Variants in HOXA3 observed in about 807,000 individuals in gnomAD.
HOXA3 encodes the protein homeobox protein Hox-A3.
HOXA3 carries 8 observed loss-of-function variants against 30.3 expected under a neutral mutation model. That is an observed-to-expected ratio of 0.26 (90% CI 0.15 to 0.48). The LOEUF (loss-of-function observed/expected upper bound fraction) is 0.48. Ranked by LOEUF, HOXA3 falls within the 20% of genes least tolerant of loss-of-function variation. The pLI is 0.99. For synonymous variants in HOXA3, 323 were observed against 273.1 expected (o/e 1.18, Z -1.80); for missense variants, 653 against 614.4 (o/e 1.06, Z -0.66).
intron 2 of HOXA3, chr7:27,129,656 G>T: frequency 6.9e-7 from 1 of 1,455,794 alleles, no homozygotes; most frequent in Non-Finnish European, 9.5e-7. Context: ...AGGTGGGGTG[G>T]GGAAGAGCAA....
In HOXA3 at chr7:27,120,045, T is replaced by C. The variant is rs186448944; in HGVS notation, c.-121+2514A>G. 1.8e-3 allele frequency among the ~76,000 whole-genome samples: 279 copies of C among 152,132 alleles called. 7 individuals carry two copies. Among genetic ancestry groups the C allele is most frequent in the Admixed American group, 0.017 (266 of 15,296 alleles). On this transcript the variant is annotated intron_variant, in intron 4 of 5. Transcript: ENST00000612286. ...AAGCGTTCTCCTGACCCCCAAGAAC[T>C]CACTCCTCTCATTCTTACTGCTGCC...
chr7:27,108,123 A>G lies in HOXA3; in HGVS notation c.1124T>C (p.Met375Thr), dbSNP rs111910536. ...AAAGAGGGCTGGCCCGGAGTTGCTC[A>G]TGGGCTCCACATAGCTGCCCCCCAC... ...VFVGGSYVEP[M>T]SNSGPALFGL... Residue 375 changes from methionine to threonine, a missense_variant, in exon 6 of 6, where the codon ATG becomes ACG. Met to Thr is a moderately conservative substitution (Grantham distance 81). This residue lies in a region of HOXA3 where 330 missense variants were observed against 274.4 expected (regional missense o/e 1.20). Coordinates refer to ENST00000612286, the MANE Select transcript of HOXA3 (RefSeq NM_153631.3). The surrounding 1 kb of genome is among the most constrained non-coding windows in gnomAD (Gnocchi z 5.0). The G allele has an allele frequency of 2.8e-4, 457 of 1,606,508 alleles. 1 individual carries two copies. The African/African-American group carries it at 5.6e-3, about 20-fold the overall frequency.
intron 1 of HOXA3, chr7:27,145,272 C>G (rs779440672): frequency 4.4e-6 from 1 of 226,182 alleles, no homozygotes; most frequent in East Asian, 9.9e-5. Context: ...AGGGCTCTTT[C>G]CTCCCCAGCA....
chr7:27,110,753 G>A lies in HOXA3; in HGVS notation c.-113C>T, dbSNP rs1784325129. ...ACACTCCGCCGCCAATGGCCGCCCC[G>A]CGCAGACCTGGTGGGGCGAGAAGCG... On this transcript the variant is annotated 5_prime_UTR_variant, in exon 5 of 6. Coordinates refer to ENST00000612286, the MANE Select transcript of HOXA3 (RefSeq NM_153631.3). 1 of 1,514,698 alleles carries A rather than the reference G, an allele frequency of 6.6e-7. No homozygotes were observed. Among genetic ancestry groups the A allele is most frequent in the Non-Finnish European group, 9.0e-7 (1 of 1,111,930 alleles). The allele number at this position is 1,514,698 out of a possible 1,614,324, so 93.8% of individuals were successfully genotyped here.
intron 1 of HOXA3, chr7:27,143,481 C>G (rs761441746): frequency 1.2e-6 from 2 of 1,613,722 alleles, no homozygotes; most frequent in East Asian, 2.2e-5. Flanking sequence ...CCGTACCTGC[C>G]GGAGTGCATG....
chr7:27,134,769 G>A (rs748850151), intron 2 of HOXA3, among the ~76,000 whole-genome samples: 1 of 152,152 alleles, frequency 6.6e-6, no homozygotes, highest in Non-Finnish European at 1.5e-5. Flanking sequence ...GCAGTGTTTG[G>A]AAAATATTTA....
Position 27,107,731 on chromosome 7 carries a change from CAT to C in HOXA3, c.*182_*183del. ...TCCAGCAACCAAGATTGCTACGTCA[CAT>C]AAACTATAAAAACGCCTTACCAACG... On this transcript the variant is annotated 3_prime_UTR_variant, in exon 6 of 6. Transcript: ENST00000612286. The C allele has an allele frequency of 2.1e-6, 1 of 478,358 alleles. No individual in the cohort carries two copies. Among genetic ancestry groups the C allele is most frequent in the Non-Finnish European group, 3.6e-6 (1 of 276,422 alleles). The allele number at this position is 478,358 out of a possible 1,614,324, so 29.6% of individuals were successfully genotyped here.
chr7:27,147,393 C>A (rs1782807566), intron 1 of HOXA3: 1 of 1,614,110 alleles, frequency 6.2e-7, no homozygotes, highest in Admixed American at 1.7e-5. Context: ...GTGCTTTGCC[C>A]TGCCCGCTGC....
chr7:27,142,227 T>C, intron 1 of HOXA3: 1 of 815,492 alleles, frequency 1.2e-6, no homozygotes, highest in Non-Finnish European at 1.9e-6. Flanking sequence ...CCTCCCGAAT[T>C]TCCTTCTCTC....
intron 1 of HOXA3, chr7:27,150,716 G>C (rs1425121915): frequency 6.6e-6 from 1 of 152,582 alleles, no homozygotes; most frequent in Non-Finnish European, 1.5e-5. Context: ...TGACGTGCCA[G>C]GCGGCCTGTG....
At chr7:27,142,952 C>T (rs1385520566) in intron 1 of HOXA3, 14 of 1,201,394 alleles carry the variant, frequency 1.2e-5, no homozygotes, top group Non-Finnish European at 1.6e-5. Flanking sequence ...AGAAATGAGA[C>T]CAAGAGAGAC....
In HOXA3 at chr7:27,110,604, A is replaced by T; in HGVS notation, c.37T>A (p.Tyr13Asn). Reference sequence around the variant, plus strand: ...GCTGCCTGGTAGGGGTAGCCACCGTAGATCGCCGAGCTGTCGTAGTAGGTC... The same window carrying T: ...GCTGCCTGGTAGGGGTAGCCACCGTTGATCGCCGAGCTGTCGTAGTAGGTC... ...KATYYDSSAI[Y>N]GGYPYQAANG... Residue 13 changes from tyrosine to asparagine, a missense_variant, in exon 5 of 6, where the codon TAC becomes AAC. Physicochemically the swap from Tyr to Asn is moderately radical, Grantham distance 143 (BLOSUM62 -2). This residue lies in a region of HOXA3 where 320 missense variants were observed against 321.9 expected (regional missense o/e 0.99). Coordinates refer to ENST00000612286, the MANE Select transcript of HOXA3 (RefSeq NM_153631.3). 1 of 1,607,456 alleles carries T rather than the reference A, an allele frequency of 6.2e-7. No individual in the cohort carries two copies. The highest frequency in any genetic ancestry group is 8.5e-7 in the Non-Finnish European group (1 of 1,175,330).
chr7:27,129,890 G>A (rs1243569759), intron 2 of HOXA3: 1 of 610,314 alleles, frequency 1.6e-6, no homozygotes, highest in African/African-American at 1.9e-5. Context: ...TAACAGTTTG[G>A]CGTCTCGTAA....
chr7:27,136,632 G>A (rs373388648), intron 2 of HOXA3, among the ~76,000 whole-genome samples: 2 of 152,098 alleles, frequency 1.3e-5, no homozygotes, highest in African/African-American at 2.4e-5. Context: ...TACTTAACCC[G>A]GCAGTGAACT....
chr7:27,109,039 G>C (rs567927487), intron 5 of HOXA3, among the ~76,000 whole-genome samples: 1 of 152,092 alleles, frequency 6.6e-6, no homozygotes, highest in Non-Finnish European at 1.5e-5. Context: ...TTGGCCTATC[G>C]GACAACAGCC....
rs200453383 is a variant in HOXA3 at position 27,108,162 on chromosome 7, C to T, written c.1085G>A (p.Gly362Glu). ...GCTGCCCCCCACGAAGACGGGGCTT[C>T]CCTGTATGTGTGGGGTCCCATAGCT... ...NGSYGTPHIQGSPVFVGGSYV... is the reference protein window; with the variant it reads ...NGSYGTPHIQESPVFVGGSYV... Residue 362 changes from glycine (G) to glutamate (E), a missense_variant, in exon 6 of 6, where the codon GGA (glycine) becomes GAA (glutamate). Physicochemically the swap from Gly to Glu is moderately conservative, Grantham distance 98. Transcript: ENST00000612286. The surrounding 1 kb of genome is among the most constrained non-coding windows in gnomAD (Gnocchi z 5.0). 8.2e-6 allele frequency: 13 copies of T among 1,576,602 alleles called. No homozygotes were observed. The East Asian group carries it at 2.9e-4, about 36-fold the overall frequency.
Position 27,108,615 on chromosome 7 carries a change from T to C in HOXA3, c.632A>G (p.His211Arg), listed in dbSNP as rs137977036. 1 of 1,613,984 alleles carries C rather than the reference T, an allele frequency of 6.2e-7. No homozygotes were observed. The highest frequency in any genetic ancestry group is 8.5e-7 in the Non-Finnish European group (1 of 1,179,984). ...CGGCCGGCACAGGTAGCGGTTGAAGTGGAACTCTTTCTCCAGCTCCACCAG... is the reference window on the plus strand; with the variant it reads ...CGGCCGGCACAGGTAGCGGTTGAAGCGGAACTCTTTCTCCAGCTCCACCAG... ...AQLVELEKEF[H>R]FNRYLCRPRR... The change falls in exon 6 of 6, where the codon CAC (histidine) becomes CGC (arginine). Residue 211 changes from histidine to arginine, a missense_variant. Around this residue, in one of 3 missense-constraint regions of HOXA3, gnomAD observed 320 missense variants for 321.9 expected, o/e 0.99. Coordinates refer to ENST00000612286, the MANE Select transcript of HOXA3 (RefSeq NM_153631.3). The surrounding 1 kb of genome is among the most constrained non-coding windows in gnomAD (Gnocchi z 5.0).
chr7:27,112,638 C>A (rs977207477), intron 4 of HOXA3, among the ~76,000 whole-genome samples: 2 of 152,162 alleles, frequency 1.3e-5, no homozygotes, highest in Non-Finnish European at 2.9e-5. Flanking sequence ...TATCCGTTTC[C>A]TTTTCTTTTA....
At chr7:27,141,790 C>T (rs555485879) in intron 1 of HOXA3, 5 of 1,597,086 alleles carry the variant, frequency 3.1e-6, no homozygotes, top group East Asian at 2.2e-5. Context: ...ACTGACACTA[C>T]GCGGGATCCG....
Sources: allele counts gnomAD v4.1 joint callset (sites outside exome capture counted in the v4.1 genomes callset), GRCh38; gene constraint gnomAD v4.1.1; regional missense constraint gnomAD v4.1.1; non-coding constraint Gnocchi (gnomAD v3.1); transcripts MANE v1.5; gene names NCBI Gene and HGNC (gene_info 2026-07-23, HGNC 2026-07-21).